ZNF804B: variants seen among roughly 807,000 people sequenced by gnomAD.
The protein encoded by ZNF804B is zinc finger 804B.
A neutral mutation model predicts 101.4 loss-of-function variants in ZNF804B; 80 were observed. The observed-to-expected ratio is 0.79, with a 90% CI of 0.66 to 0.95. The LOEUF (loss-of-function observed/expected upper bound fraction) is 0.95, where lower values mean the gene tolerates loss of function less well. ZNF804B is among the 40% of genes least tolerant of loss of function. The pLI is 0.00. For synonymous variants in ZNF804B, 622 were observed against 558.8 expected (o/e 1.11, Z -1.59); for missense variants, 1,673 against 1,561.9 (o/e 1.07, Z -1.20).
intron 2 of ZNF804B, among the ~76,000 whole-genome samples, chr7:89,297,436 C>T (rs563536868): frequency 2.1e-4 from 32 of 152,164 alleles, no homozygotes; most frequent in African/African-American, 7.2e-4. Context: ...TTTAGTCATA[C>T]ATCAGTTCTG....
At chr7:88,827,826 C>T (rs1026579976) in intron 1 of ZNF804B, among the ~76,000 whole-genome samples, 4 of 152,036 alleles carry the variant, frequency 2.6e-5, no homozygotes, top group African/African-American at 9.7e-5. Flanking sequence ...CTGATTACTG[C>T]CAAATAGTTA....
intron 1 of ZNF804B, among the ~76,000 whole-genome samples, chr7:88,837,390 T>G (rs1791229755): frequency 6.6e-6 from 1 of 151,928 alleles, no homozygotes; most frequent in Non-Finnish European, 1.5e-5. Flanking sequence ...AATACTTAGA[T>G]TTTTCTGATA....
intron 1 of ZNF804B, among the ~76,000 whole-genome samples, chr7:89,154,036 G>A (rs1790917802): frequency 7.1e-6 from 1 of 139,874 alleles, no homozygotes; most frequent in Admixed American, 7.2e-5. Flanking sequence ...AAATCCATAG[G>A]AAAAAATCTA....
At chr7:88,760,832 G>T (rs1483691084) in intron 1 of ZNF804B, among the ~76,000 whole-genome samples, 2 of 148,470 alleles carry the variant, frequency 1.3e-5, no homozygotes, top group Non-Finnish European at 3.0e-5. Flanking sequence ...ATGTTTTAAG[G>T]CTCCAAATAT....
intron 1 of ZNF804B, among the ~76,000 whole-genome samples, chr7:89,080,466 T>C (rs1004892186): frequency 2.0e-5 from 3 of 151,972 alleles, no homozygotes; most frequent in African/African-American, 7.2e-5. Flanking sequence ...GAAGTAATAC[T>C]TCCGTTCTGA....
Position 89,335,749 on chromosome 7 carries a change from C to G in ZNF804B, c.2767C>G (p.Leu923Val). Residue 923 changes from leucine (L) to valine (V), a missense_variant, in exon 4 of 4, where the codon CTA becomes GTA. Transcript: ENST00000333190. The stretch of plus-strand genomic sequence containing the variant: ...CACTGCAGAAGGAGAGAGGACCCCT[C>G]TAACAGCAAAAATCCTTTTAGAAAG... ...SNTAEGERTP[L>V]TAKILLERVQ... 4 of 1,613,980 alleles carry G rather than the reference C, an allele frequency of 2.5e-6. No homozygotes were observed. Among genetic ancestry groups the G allele is most frequent in the Non-Finnish European group, 2.5e-6 (3 of 1,179,962 alleles).
chr7:89,221,736 A>ATTCTG (rs760564360), intron 2 of ZNF804B, among the ~76,000 whole-genome samples: 1 of 147,254 alleles, frequency 6.8e-6, no homozygotes, highest in Non-Finnish European at 1.5e-5. Flanking sequence ...ATTCTATTCT[A>ATTCTG]TTCTATTCTA....
chr7:89,215,867 G>A (rs939517285), intron 1 of ZNF804B, among the ~76,000 whole-genome samples: 3 of 147,200 alleles, frequency 2.0e-5, no homozygotes, highest in Non-Finnish European at 4.5e-5. Context: ...CTGGGCAACA[G>A]AGAGAGACTC....
intron 1 of ZNF804B, among the ~76,000 whole-genome samples, chr7:88,937,115 C>CAAA (rs3034325): frequency 0.014 from 1,587 of 110,874 alleles, 40 homozygotes; most frequent in East Asian, 0.059. Flanking sequence ...ATGAGAATAG[C>CAAA]AAAAAAAAAA....
intron 1 of ZNF804B, among the ~76,000 whole-genome samples, chr7:88,909,349 A>G (rs558685891): frequency 6.6e-6 from 1 of 151,900 alleles, no homozygotes; most frequent in South Asian, 2.1e-4. Flanking sequence ...ATTGCTAATT[A>G]TTTTTCAATC....
intron 1 of ZNF804B, among the ~76,000 whole-genome samples, chr7:88,945,331 T>C (rs1246173939): frequency 1.3e-5 from 2 of 152,132 alleles, no homozygotes; most frequent in Non-Finnish European, 2.9e-5. Flanking sequence ...CCCAACACCA[T>C]TTTTTAAATA....
At chr7:88,925,925 C>G (rs1487475773) in intron 1 of ZNF804B, among the ~76,000 whole-genome samples, 1 of 152,104 alleles carries the variant, frequency 6.6e-6, no homozygotes, top group Non-Finnish European at 1.5e-5. Flanking sequence ...TTGTGACATG[C>G]TTCCTATGCA....
intron 1 of ZNF804B, among the ~76,000 whole-genome samples, chr7:89,165,161 A>C (rs1791123051): frequency 6.6e-6 from 1 of 152,118 alleles, no homozygotes; most frequent in Non-Finnish European, 1.5e-5. Flanking sequence ...GTATGGCTAA[A>C]AAAAGAAATC....
chr7:88,951,086 G>C (rs1162588879), intron 1 of ZNF804B, among the ~76,000 whole-genome samples: 1 of 151,814 alleles, frequency 6.6e-6, no homozygotes, highest in East Asian at 2.0e-4. Flanking sequence ...TACTTTGCAG[G>C]AATTTGTGCA....
chr7:89,194,354 T>G (rs1287606108), intron 1 of ZNF804B, among the ~76,000 whole-genome samples: 2 of 151,120 alleles, frequency 1.3e-5, no homozygotes, highest in African/African-American at 4.9e-5. Flanking sequence ...TTGTTGCCAT[T>G]GCTTTTGGTG....
intron 2 of ZNF804B, among the ~76,000 whole-genome samples, chr7:89,294,428 C>G (rs1398119914): frequency 6.6e-6 from 1 of 152,096 alleles, no homozygotes; most frequent in African/African-American, 2.4e-5. Context: ...TATAATGACA[C>G]TAATTCTTGC....
At chr7:89,005,087 C>G (rs1048433472) in intron 1 of ZNF804B, among the ~76,000 whole-genome samples, 3 of 151,954 alleles carry the variant, frequency 2.0e-5, no homozygotes, top group African/African-American at 7.2e-5. Flanking sequence ...CTTACTAATC[C>G]TTTTGGCTTG....
chr7:89,192,860 T>C (rs936489324), intron 1 of ZNF804B, among the ~76,000 whole-genome samples: 1 of 152,040 alleles, frequency 6.6e-6, no homozygotes, highest in Non-Finnish European at 1.5e-5. Flanking sequence ...CATAAATAAA[T>C]AAACATGATT....
At chr7:88,998,153 C>A (rs1199786570) in intron 1 of ZNF804B, among the ~76,000 whole-genome samples, 1 of 152,066 alleles carries the variant, frequency 6.6e-6, no homozygotes, top group Non-Finnish European at 1.5e-5. Flanking sequence ...TGTCTCCTGT[C>A]TTTCTTTAGA....
Sources: allele counts gnomAD v4.1 joint callset (sites outside exome capture counted in the v4.1 genomes callset), GRCh38; gene constraint gnomAD v4.1.1; transcripts MANE v1.5; gene names NCBI Gene and HGNC (gene_info 2026-07-23, HGNC 2026-07-21).